The following MRPS28 variants were observed in gnomAD, a reference collection of about 807,000 sequenced individuals.
The protein encoded by MRPS28 is mitochondrial ribosomal protein S28.
Under a neutral mutation model 10.8 loss-of-function variants are expected in MRPS28, and 7 were observed. The ratio of observed to expected loss-of-function variants is 0.65; its 90% CI spans 0.37 to 1.22. The LOEUF (loss-of-function observed/expected upper bound fraction) is 1.22, where lower values mean the gene tolerates loss of function less well. Among genes scored for constraint, MRPS28 ranks in the 50% most tolerant of loss-of-function variants. The pLI is 0.02. For missense variants in MRPS28, 265 were observed against 232.9 expected (o/e 1.14, Z -0.90); for synonymous variants, 121 against 93.3 (o/e 1.30, Z -1.71).
At chr8:80,000,755 T>C (rs1434139357) in intron 2 of MRPS28, among the ~76,000 whole-genome samples, 1 of 152,144 alleles carries the variant, frequency 6.6e-6, no homozygotes, top group Non-Finnish European at 1.5e-5. Context: ...CCAAGCATGG[T>C]GGTACATGTC....
At chr8:79,986,330 CA>C (rs1275967076) in intron 2 of MRPS28, among the ~76,000 whole-genome samples, 1 of 152,174 alleles carries the variant, frequency 6.6e-6, no homozygotes, top group Non-Finnish European at 1.5e-5. Flanking sequence ...ACTGAATGGG[CA>C]AAAACTGGAA....
At chr8:79,919,937 T>TCCC (rs372831451) in intron 2 of MRPS28, among the ~76,000 whole-genome samples, 1 of 102,242 alleles carries the variant, frequency 9.8e-6, no homozygotes, top group African/African-American at 4.0e-5. Context: ...CCTAATGCTA[T>TCCC]CCCTCCCCCC....
intron 2 of MRPS28, among the ~76,000 whole-genome samples, chr8:79,928,769 AGGCATGGT>A (rs2129881755): frequency 7.3e-6 from 1 of 137,578 alleles, no homozygotes; most frequent in East Asian, 2.5e-4. Flanking sequence ...ACTACAGGCC[AGGCATGGT>A]GGCTCACGCC....
At chr8:80,003,684 G>A (rs960966566) in intron 1 of MRPS28, among the ~76,000 whole-genome samples, 2 of 152,142 alleles carry the variant, frequency 1.3e-5, no homozygotes, top group Admixed American at 6.5e-5. Context: ...AGTGTGAGCC[G>A]AAGCAGTGCC....
chr8:79,976,204 C>T (rs1319378863), intron 2 of MRPS28, among the ~76,000 whole-genome samples: 1 of 152,060 alleles, frequency 6.6e-6, no homozygotes, highest in African/African-American at 2.4e-5. Flanking sequence ...CTGTCTCAGC[C>T]TCCCAAGTAG....
chr8:80,011,126 T>C (rs1054265849), intron 1 of MRPS28, among the ~76,000 whole-genome samples: 2 of 147,786 alleles, frequency 1.4e-5, no homozygotes, highest in East Asian at 1.9e-4. Context: ...CTTTTTTTTT[T>C]ATTTTTTTAT....
chr8:79,940,359 A>G (rs977431506), intron 2 of MRPS28, among the ~76,000 whole-genome samples: 1 of 152,204 alleles, frequency 6.6e-6, no homozygotes, highest in Admixed American at 6.5e-5. Context: ...AACATTTTTC[A>G]TAATGCATTT....
At chr8:80,025,767 A>C (rs1247681105) in intron 1 of MRPS28, among the ~76,000 whole-genome samples, 4 of 152,240 alleles carry the variant, frequency 2.6e-5, no homozygotes, top group Non-Finnish European at 5.9e-5. Flanking sequence ...AAAAGGAGAT[A>C]CACAGATATT....
At chr8:80,006,064 T>C (rs1289967652) in intron 1 of MRPS28, among the ~76,000 whole-genome samples, 4 of 152,190 alleles carry the variant, frequency 2.6e-5, no homozygotes, top group Admixed American at 6.5e-5. Flanking sequence ...CTGTCAACAT[T>C]AGACAGATCA....
chr8:79,980,175 T>C (rs1356283869), intron 2 of MRPS28, among the ~76,000 whole-genome samples: 1 of 152,182 alleles, frequency 6.6e-6, no homozygotes, highest in Non-Finnish European at 1.5e-5. Flanking sequence ...CACCAACCAG[T>C]ACTTTGATAG....
At chr8:80,005,038 T>C (rs1369744172) in intron 1 of MRPS28, among the ~76,000 whole-genome samples, 5 of 152,132 alleles carry the variant, frequency 3.3e-5, no homozygotes, top group Admixed American at 2.0e-4. Flanking sequence ...ACGGGGAGAA[T>C]GGAACCAAGT....
chr8:79,969,601 C>T lies in MRPS28; in HGVS notation c.395+33398G>A, dbSNP rs1004549411. On this transcript the variant is annotated intron_variant, in intron 2 of 2. Coordinates refer to ENST00000276585, the MANE Select transcript of MRPS28 (RefSeq NM_014018.3). ...ATCTGAAATGGAAAAGATGGGGTAACGGAAAAACCTGGTCATCTGTAACAA... is the reference window on the plus strand; with the variant it reads ...ATCTGAAATGGAAAAGATGGGGTAATGGAAAAACCTGGTCATCTGTAACAA... Among the ~76,000 whole-genome samples the T allele has an allele frequency of 4.6e-5, 7 of 151,970 alleles. No homozygotes were observed. In the East Asian group the frequency reaches 5.8e-4, roughly 13 times the overall value.
chr8:79,974,401 G>A (rs368002057), intron 2 of MRPS28, among the ~76,000 whole-genome samples: 3 of 151,990 alleles, frequency 2.0e-5, no homozygotes, highest in South Asian at 2.1e-4. Flanking sequence ...TTAGCCAGGC[G>A]TGGTGGTGGG....
chr8:79,988,100 T>G (rs1352268657), intron 2 of MRPS28, among the ~76,000 whole-genome samples: 3 of 151,724 alleles, frequency 2.0e-5, no homozygotes, highest in Non-Finnish European at 4.4e-5. Context: ...CCATAAAAAA[T>G]GATGAGTTCA....
chr8:79,988,128 T>C (rs930038698), intron 2 of MRPS28, among the ~76,000 whole-genome samples: 2 of 151,738 alleles, frequency 1.3e-5, no homozygotes, highest in African/African-American at 2.4e-5. Flanking sequence ...TGTAGGGACA[T>C]GGATGAAACT....
At chr8:79,937,899 A>C (rs1806644189) in intron 2 of MRPS28, among the ~76,000 whole-genome samples, 1 of 152,248 alleles carries the variant, frequency 6.6e-6, no homozygotes, top group South Asian at 2.1e-4. Flanking sequence ...TCACTGAAAA[A>C]GCAATAAAAA....
chr8:79,978,353 A>C (rs894878754), intron 2 of MRPS28, among the ~76,000 whole-genome samples: 2 of 151,594 alleles, frequency 1.3e-5, no homozygotes, highest in African/African-American at 4.8e-5. Context: ...TTTTTCCCTG[A>C]TAAACATGTA....
intron 1 of MRPS28, among the ~76,000 whole-genome samples, chr8:80,023,207 G>A (rs933994809): frequency 2.0e-5 from 3 of 152,114 alleles, no homozygotes; most frequent in African/African-American, 7.2e-5. Context: ...TGGCACCATC[G>A]TTAAAACCAG....
chr8:79,919,406 T>A (rs529311502), intron 2 of MRPS28, among the ~76,000 whole-genome samples: 1 of 150,222 alleles, frequency 6.7e-6, no homozygotes, highest in South Asian at 2.1e-4. Context: ...AGTGGTGCAA[T>A]CAGAGCTTAC....
Sources: allele counts gnomAD v4.1 joint callset (sites outside exome capture counted in the v4.1 genomes callset), GRCh38; gene constraint gnomAD v4.1.1; transcripts MANE v1.5; gene names NCBI Gene and HGNC (gene_info 2026-07-23, HGNC 2026-07-21).